Variants in SCART1 observed in about 807,000 individuals in gnomAD.
SCART1 encodes the protein scavenger receptor family member expressed on T cells 1, also known as scavenger receptor cysteine-rich domain-containing protein SCART1.
A neutral mutation model predicts 36.2 loss-of-function variants in SCART1; 62 were observed. The ratio of observed to expected loss-of-function variants is 1.71; its 90% CI spans 1.40 to 2.12. The LOEUF (loss-of-function observed/expected upper bound fraction) is 2.12, where lower values mean the gene tolerates loss of function less well. Among genes scored for constraint, SCART1 ranks in the 30% most tolerant of loss-of-function variants. The pLI, the probability that SCART1 is intolerant of heterozygous loss-of-function variation, is 0.00. For missense variants in SCART1, 1,041 were observed against 540.5 expected (o/e 1.93, Z -9.18); for synonymous variants, 487 against 238.7 (o/e 2.04, Z -9.59).
At chr10:133,457,180 G>A (rs1850627409) in intron 2 of SCART1, 99 bp from the exon 3 acceptor site, 1 of 659,514 alleles carries the variant, frequency 1.5e-6, no homozygotes, top group Non-Finnish European at 2.7e-6. Context: ...AGCTGGCCCT[G>A]GCTCAGCCCA....
intron 6 of SCART1, among the ~76,000 whole-genome samples, chr10:133,460,686 G>T (rs1263419178): frequency 6.6e-6 from 1 of 150,920 alleles, no homozygotes; most frequent in African/African-American, 2.4e-5. Flanking sequence ...CAGAAGTGAG[G>T]CACTGCCGCT....
chr10:133,465,491 T>C (rs1206306744), exon 9 of SCART1: 3 of 523,512 alleles, frequency 5.7e-6, no homozygotes, highest in Non-Finnish European at 9.9e-6. Context: ...GAGGCGTCCC[T>C]GTGGGGCTGC....
rs1564835493 is a variant in SCART1 at position 133,464,312 on chromosome 10, G to GTGCAGTGAACCTGGGTGC, written c.1970-279_1970-278insTGCTGCAGTGAACCTGGG. ...CCTGGGTGCTGCAGTGAACCTGGGC[G>GTGCAGTGAACCTGGGTGC]TGCAGTGAACCTGGGCGTGCAGTGA... On this transcript the variant is annotated intron_variant, in intron 6 of 11. Coordinates refer to ENST00000640237, the Ensembl canonical transcript of SCART1. The GTGCAGTGAACCTGGGTGC allele has an allele frequency of 7.7e-4, 30 of 38,814 alleles. 1 individual carries two copies. The highest frequency in any genetic ancestry group is 1.7e-3 in the African/African-American group (28 of 16,666). 2.4% of individuals were successfully genotyped at this position (38,814 alleles called of 1,614,324 possible).
At chr10:133,460,486 A>ATT (rs1850686179) in intron 6 of SCART1, among the ~76,000 whole-genome samples, 2 of 140,800 alleles carry the variant, frequency 1.4e-5, no homozygotes, top group African/African-American at 2.6e-5. Context: ...ATATATATAT[A>ATT]TATTTATATA....
chr10:133,457,372 G>A, exon 3 of SCART1: 2 of 701,848 alleles, frequency 2.8e-6, no homozygotes, highest in South Asian at 3.0e-5. Flanking sequence ...GACCGCCTCT[G>A]TGTCCTGCAT....
At chr10:133,467,714 G>T in intron 11 of SCART1, 133 bp from the exon 12 acceptor site, 2 of 547,604 alleles carry the variant, frequency 3.7e-6, no homozygotes, top group East Asian at 5.9e-5. Context: ...TTCAATGTCA[G>T]GATGCCTTGA....
chr10:133,456,465 G>A (rs1324413868), exon 2 of SCART1: 2 of 702,008 alleles, frequency 2.8e-6, no homozygotes, highest in Non-Finnish European at 5.2e-6. Context: ...TCCTGCCGGG[G>A]CAACGAGTCC....
At chr10:133,465,317 C>T (rs1338055168) in exon 9 of SCART1, 1 of 680,604 alleles carries the variant, frequency 1.5e-6, no homozygotes, top group Non-Finnish European at 2.7e-6. Flanking sequence ...CTCTGGCACG[C>T]GGGCTCCTGG....
At chr10:133,461,687 CTT>C (rs1390763931) in intron 6 of SCART1, among the ~76,000 whole-genome samples, 1 of 152,086 alleles carries the variant, frequency 6.6e-6, no homozygotes, top group Non-Finnish European at 1.5e-5. Context: ...ATTTTTGTGT[CTT>C]TATTCTCGGC....
downstream of SCART1, among the ~76,000 whole-genome samples, chr10:133,469,753 T>C (rs1287906515): frequency 6.6e-6 from 1 of 152,148 alleles, no homozygotes. Flanking sequence ...TTAAAAAAAT[T>C]TGCAAGAGTT....
chr10:133,461,760 C>A (rs1365530259), intron 6 of SCART1, among the ~76,000 whole-genome samples: 1 of 152,222 alleles, frequency 6.6e-6, no homozygotes, highest in Non-Finnish European at 1.5e-5. Context: ...CTTTTTCTGG[C>A]ATCTCAGTGA....
chr10:133,466,005 G>A, intron 9 of SCART1: 1 of 669,120 alleles, frequency 1.5e-6, no homozygotes, highest in Non-Finnish European at 2.7e-6. Context: ...TGGGGGCCAT[G>A]TTTTACCAAG....
At chr10:133,457,800 G>A (rs1007034427) in intron 3 of SCART1, 15 of 556,636 alleles carry the variant, frequency 2.7e-5, no homozygotes, top group Admixed American at 7.2e-5. Context: ...CTCAGAACCC[G>A]CAGGCCATCT....
At chr10:133,456,439 C>T (rs1242424003) in exon 2 of SCART1, 4 of 702,806 alleles carry the variant, frequency 5.7e-6, no homozygotes, top group Admixed American at 2.0e-5. Flanking sequence ...TGGCCCAGCC[C>T]TGGCTTCACA....
chr10:133,460,677 A>G (rs1156382127), intron 6 of SCART1, among the ~76,000 whole-genome samples: 3 of 151,510 alleles, frequency 2.0e-5, no homozygotes, highest in Non-Finnish European at 2.9e-5. Flanking sequence ...CTGGGACTAC[A>G]GAAGTGAGGC....
At chr10:133,456,308 G>A (rs765473426) in exon 2 of SCART1, 11 of 702,852 alleles carry the variant, frequency 1.6e-5, no homozygotes, top group Middle Eastern at 2.3e-4. Flanking sequence ...CCGACACCAC[G>A]GGGCATGGGG....
At chr10:133,464,689 A>C in exon 7 of SCART1, 3 of 700,320 alleles carry the variant, frequency 4.3e-6, no homozygotes, top group Non-Finnish European at 7.8e-6. Context: ...CTGGGGCGCC[A>C]TGTGCAGCAA....
chr10:133,456,470 G>A (rs932242716), exon 2 of SCART1: 10 of 701,898 alleles, frequency 1.4e-5, no homozygotes, highest in African/African-American at 3.5e-5. Context: ...CCGGGGCAAC[G>A]AGTCCTCCCT....
exon 2 of SCART1, chr10:133,456,514 C>T (rs1470883228): frequency 2.9e-6 from 2 of 687,432 alleles, no homozygotes; most frequent in Non-Finnish European, 5.3e-6. Context: ...GGTGCCAGAG[C>T]CCGTGCCCCC....
Sources: gnomAD v4.1 joint callset for allele counts (sites outside exome capture counted in the v4.1 genomes callset) on GRCh38, gnomAD v4.1.1 for gene constraint, MANE v1.5 for transcripts, NCBI Gene and HGNC (gene_info 2026-07-23, HGNC 2026-07-21) for gene names.